ADAMTS9: variants seen among roughly 807,000 people sequenced by gnomAD.
ADAMTS9 encodes ADAM metallopeptidase with thrombospondin type 1 motif 9, also known as A disintegrin and metalloproteinase with thrombospondin motifs 9.
Under a neutral mutation model 257.1 loss-of-function variants are expected in ADAMTS9, and 107 were observed. That is an observed-to-expected ratio of 0.42 (90% CI 0.36 to 0.49). The LOEUF (loss-of-function observed/expected upper bound fraction) is 0.49, where lower values mean the gene tolerates loss of function less well. Among genes scored for constraint, ADAMTS9 ranks in the 20% least tolerant of loss-of-function variants. The pLI, the probability that ADAMTS9 is intolerant of heterozygous loss-of-function variation, is 0.03. For synonymous variants in ADAMTS9, 982 were observed against 880.9 expected (o/e 1.11, Z -2.03); for missense variants, 2,353 against 2,469.1 (o/e 0.95, Z 1.00).
chr3:64,653,840 C>A (rs1700991824), intron 8 of ADAMTS9, among the ~76,000 whole-genome samples: 1 of 152,152 alleles, frequency 6.6e-6, no homozygotes, highest in Non-Finnish European at 1.5e-5. Flanking sequence ...TTCTTTCTAT[C>A]TTTGTTCATT....
chr3:64,530,419 A>G (rs1467565791), intron 38 of ADAMTS9, among the ~76,000 whole-genome samples: 1 of 151,554 alleles, frequency 6.6e-6, no homozygotes, highest in Non-Finnish European at 1.5e-5. Context: ...GCCGGGGGCT[A>G]GAGAGGGCTC....
chr3:64,664,457 C>T (rs1701302297), intron 3 of ADAMTS9, among the ~76,000 whole-genome samples: 1 of 152,130 alleles, frequency 6.6e-6, no homozygotes, highest in South Asian at 2.1e-4. Flanking sequence ...CAGCCCCTGG[C>T]AATCACTAAC....
At chr3:64,567,471 C>T (rs1221984984) in intron 29 of ADAMTS9, among the ~76,000 whole-genome samples, 1 of 152,166 alleles carries the variant, frequency 6.6e-6, no homozygotes, top group African/African-American at 2.4e-5. Flanking sequence ...TTTAAGTTAG[C>T]ACCTTCAACC....
intron 10 of ADAMTS9, among the ~76,000 whole-genome samples, 199 bp downstream of exon 10, chr3:64,649,438 G>A (rs1700876613): frequency 1.3e-5 from 2 of 152,208 alleles, no homozygotes; most frequent in Non-Finnish European, 2.9e-5. Flanking sequence ...AAATGAGAAA[G>A]TGCAGGTAAA....
chr3:64,555,002 A>C (rs932238236), intron 30 of ADAMTS9, among the ~76,000 whole-genome samples: 6 of 152,176 alleles, frequency 3.9e-5, no homozygotes, highest in African/African-American at 1.4e-4. Context: ...CAATTCCCTA[A>C]CCATGGGGGG....
intron 28 of ADAMTS9, among the ~76,000 whole-genome samples, chr3:64,584,418 G>T (rs1020325165): frequency 4.6e-5 from 7 of 151,984 alleles, no homozygotes; most frequent in Non-Finnish European, 7.4e-5. Context: ...ATGGGAAAAG[G>T]CCAATAAAAA....
At chr3:64,610,750 C>T (rs1027319898) in intron 22 of ADAMTS9, among the ~76,000 whole-genome samples, 2 of 151,928 alleles carry the variant, frequency 1.3e-5, no homozygotes, top group African/African-American at 4.8e-5. Context: ...CAAAATTATG[C>T]GGTTGCTGTA....
At chr3:64,542,447 G>GTTTTTTT (rs2083138409) in intron 32 of ADAMTS9, among the ~76,000 whole-genome samples, 1 of 19,020 alleles carries the variant, frequency 5.3e-5, no homozygotes, top group Non-Finnish European at 1.3e-4. Flanking sequence ...TTTTTTTTGA[G>GTTTTTTT]ACAGAGTTTT....
intron 26 of ADAMTS9, among the ~76,000 whole-genome samples, chr3:64,601,164 G>C (rs1024801748): frequency 1.3e-5 from 2 of 152,152 alleles, no homozygotes; most frequent in African/African-American, 4.8e-5. Context: ...CAATGATAAT[G>C]ATAATAATAA....
At chr3:64,566,008 T>C (rs137947008) in intron 29 of ADAMTS9, among the ~76,000 whole-genome samples, 55 of 152,346 alleles carry the variant, frequency 3.6e-4, no homozygotes, top group African/African-American at 1.3e-3. Flanking sequence ...ATATCCTATA[T>C]ATCATATTAT....
At chr3:64,638,365 G>T (rs1169834993) in intron 12 of ADAMTS9, among the ~76,000 whole-genome samples, 1 of 152,162 alleles carries the variant, frequency 6.6e-6, no homozygotes, top group Non-Finnish European at 1.5e-5. Context: ...CCAAAGCTCA[G>T]TCTGGTTTTG....
At position 64,686,732 on chromosome 3, in the gene ADAMTS9, C is replaced by T. The variant is rs374454706; in HGVS notation, c.352G>A (p.Gly118Arg). ...ACAGTGAACAGTGGAGCGATAAATCCGGCATTGGCGGTGAGATTAAATAGA... is the reference window on the plus strand; with the variant it reads ...ACAGTGAACAGTGGAGCGATAAATCTGGCATTGGCGGTGAGATTAAATAGA... ...QFLFNLTANA[G>R]FIAPLFTVTL... is the part of the protein sequence containing the mutation. The change falls in exon 2 of 40, where the codon GGA becomes AGA. Residue 118 changes from glycine to arginine, a missense_variant. Around this residue, in one of 3 missense-constraint regions of ADAMTS9, gnomAD observed 591 missense variants for 569.6 expected, o/e 1.04. Transcript: ENST00000498707. The surrounding 1 kb of genome is among the most constrained non-coding windows in gnomAD (Gnocchi z 4.6). The T allele has an allele frequency of 8.1e-6, 13 of 1,614,206 alleles. No individual in the cohort carries two copies. Among genetic ancestry groups the T allele is most frequent in the East Asian group, 2.2e-5 (1 of 44,882 alleles).
chr3:64,539,216 G>C lies in ADAMTS9; in HGVS notation c.5600C>G (p.Ala1867Gly), dbSNP rs766825030. The C allele has an allele frequency of 8.1e-6, 13 of 1,613,734 alleles. No individual in the cohort carries two copies. Among genetic ancestry groups the C allele is most frequent in the Non-Finnish European group, 1.0e-5 (12 of 1,179,754 alleles). ...CCAAGGACATACCTGTGGGCACTTG[G>C]CAGCGCTGTAGCAATCCCCGGCTGT... ...FATAGDCYSA[A>G]KCPQGRFSIN... The change falls in exon 37 of 40, where the codon GCC becomes GGC. Residue 1867 changes from alanine (A) to glycine (G), a missense_variant. Around this residue, in one of 3 missense-constraint regions of ADAMTS9, gnomAD observed 1,402 missense variants for 1,441.4 expected, o/e 0.97. Coordinates refer to ENST00000498707, the MANE Select transcript of ADAMTS9 (RefSeq NM_182920.2).
Position 64,542,268 on chromosome 3 carries a change from A to G in ADAMTS9, c.5065-298T>C, listed in dbSNP as rs552001051. On this transcript the variant is annotated intron_variant, in intron 32 of 39. Transcript: ENST00000498707. ...AATTTTTTCATTTAAGCCTCACAGT[A>G]CCCCTATGAGATAGTATTACCATTA... 9.2e-5 allele frequency among the ~76,000 whole-genome samples: 14 copies of G among 152,070 alleles called. No homozygotes were observed. The South Asian group carries it at 2.7e-3, about 29-fold the overall frequency.
At chr3:64,667,772 T>C (rs7631650) in intron 3 of ADAMTS9, among the ~76,000 whole-genome samples, 28,229 of 152,174 alleles carry the variant, frequency 0.19, 3,041 homozygotes, top group Non-Finnish European at 0.25. Flanking sequence ...CTTTTCTCTG[T>C]GTCAGGCACT....
intron 39 of ADAMTS9, among the ~76,000 whole-genome samples, chr3:64,521,149 C>T (rs2082847008): frequency 6.6e-6 from 1 of 152,132 alleles, no homozygotes; most frequent in Admixed American, 6.5e-5. Flanking sequence ...CATGGACAGA[C>T]ACTTCTCAAA....
intron 31 of ADAMTS9, chr3:64,550,075 A>G (rs1323973774): frequency 6.6e-6 from 1 of 152,218 alleles, no homozygotes; most frequent in Non-Finnish European, 1.5e-5. Flanking sequence ...GCAAATGACA[A>G]CTGGTTTGAC....
At chr3:64,657,474 T>A (rs1576168018) in intron 4 of ADAMTS9, among the ~76,000 whole-genome samples, 1 of 151,840 alleles carries the variant, frequency 6.6e-6, no homozygotes, top group Non-Finnish European at 1.5e-5. Context: ...CACCTGAGCC[T>A]ACTATAGGTA....
chr3:64,649,158 T>A (rs1700869990), intron 10 of ADAMTS9, among the ~76,000 whole-genome samples: 1 of 152,000 alleles, frequency 6.6e-6, no homozygotes, highest in Non-Finnish European at 1.5e-5. Context: ...CCACCAGAAA[T>A]GATTTCAAGC....
Sources: gnomAD v4.1 joint callset for allele counts (sites outside exome capture counted in the v4.1 genomes callset) on GRCh38, gnomAD v4.1.1 for gene constraint, gnomAD v4.1.1 regional missense constraint, Gnocchi (gnomAD v3.1) non-coding constraint, MANE v1.5 for transcripts, NCBI Gene and HGNC (gene_info 2026-07-23, HGNC 2026-07-21) for gene names.